The following NRG1 variants were observed in gnomAD, a reference collection of about 807,000 sequenced individuals.
The protein encoded by NRG1 is pro-neuregulin-1, membrane-bound isoform.
NRG1 carries 18 observed loss-of-function variants against 63.8 expected under a neutral mutation model. The observed-to-expected ratio is 0.28, with a 90% CI of 0.19 to 0.42. The LOEUF (loss-of-function observed/expected upper bound fraction) is 0.42. Among genes scored for constraint, NRG1 ranks in the 10% least tolerant of loss-of-function variants. The pLI is 1.00. For synonymous variants in NRG1, 302 were observed against 301.3 expected, an observed-to-expected ratio of 1.00 and a Z score of -0.02; for missense variants, 762 against 814.7, an observed-to-expected ratio of 0.94 and a Z score of 0.79.
chr8:32,048,609 C>T (rs536480326), intron 1 of NRG1, among the ~76,000 whole-genome samples: 28 of 151,602 alleles, frequency 1.8e-4, no homozygotes, highest in African/African-American at 5.8e-4. Flanking sequence ...GTCCCCTTTC[C>T]TCCACATCCT....
At chr8:31,857,476 C>T (rs556663856) in intron 1 of NRG1, among the ~76,000 whole-genome samples, 70 of 152,336 alleles carry the variant, frequency 4.6e-4, no homozygotes, top group Admixed American at 1.1e-3. Flanking sequence ...TTGGCTCGCG[C>T]AGGGTATGCG....
chr8:32,104,387 T>G (rs1563791368), intron 1 of NRG1, among the ~76,000 whole-genome samples: 1 of 152,150 alleles, frequency 6.6e-6, no homozygotes, highest in Non-Finnish European at 1.5e-5. Flanking sequence ...TTGCTCTGGG[T>G]GGGTCAGTGA....
chr8:31,906,942 A>G (rs181713839), intron 1 of NRG1, among the ~76,000 whole-genome samples: 40 of 152,316 alleles, frequency 2.6e-4, no homozygotes, highest in Admixed American at 1.2e-3. Context: ...CAAAAAATGT[A>G]CAGGAAAAGA....
At chr8:31,766,082 C>T (rs1384433954) in intron 1 of NRG1, among the ~76,000 whole-genome samples, 1 of 151,942 alleles carries the variant, frequency 6.6e-6, no homozygotes. Flanking sequence ...TGAGAACATA[C>T]GAAGCCTACA....
chr8:32,179,195 A>AAG (rs1484023784), intron 1 of NRG1, among the ~76,000 whole-genome samples: 15 of 150,298 alleles, frequency 1.0e-4, no homozygotes, highest in African/African-American at 3.7e-4. Context: ...CATAAAAAAA[A>AAG]AAAAAAAAAA....
intron 1 of NRG1, among the ~76,000 whole-genome samples, chr8:32,112,575 C>T (rs1452902336): frequency 6.6e-6 from 1 of 152,194 alleles, no homozygotes; most frequent in African/African-American, 2.4e-5. Flanking sequence ...TGCTCTGCTT[C>T]TTCAGCAGGA....
At chr8:32,208,053 G>C (rs948725834) in intron 1 of NRG1, among the ~76,000 whole-genome samples, 1 of 152,106 alleles carries the variant, frequency 6.6e-6, no homozygotes, top group African/African-American at 2.4e-5. Flanking sequence ...GTTAATGCAC[G>C]AGAAAAGAAA....
chr8:32,534,595 A>G (rs1180988791), intron 1 of NRG1, among the ~76,000 whole-genome samples: 4 of 152,162 alleles, frequency 2.6e-5, no homozygotes, highest in African/African-American at 7.2e-5. Flanking sequence ...CTGGTGCCAC[A>G]GAACGGTGAT....
intron 5 of NRG1, among the ~76,000 whole-genome samples, chr8:32,654,959 C>T (rs1435788649): frequency 6.6e-6 from 1 of 152,094 alleles, no homozygotes; most frequent in Non-Finnish European, 1.5e-5. Flanking sequence ...CTACTTGTCC[C>T]TCTTCATGGC....
chr8:31,935,503 C>T (rs1009350033), intron 1 of NRG1, among the ~76,000 whole-genome samples: 1 of 152,164 alleles, frequency 6.6e-6, no homozygotes, highest in Non-Finnish European at 1.5e-5. Context: ...AGTGGTCCTC[C>T]CGCCTCAGCC....
chr8:32,307,848 A>T (rs576720406), intron 1 of NRG1, among the ~76,000 whole-genome samples: 24 of 139,226 alleles, frequency 1.7e-4, no homozygotes, highest in Non-Finnish European at 3.6e-4. Context: ...TCCATCTGAC[A>T]TGCCTCCCTA....
chr8:32,031,433 T>G (rs1818239155), intron 1 of NRG1, among the ~76,000 whole-genome samples: 1 of 152,218 alleles, frequency 6.6e-6, no homozygotes, highest in Admixed American at 6.5e-5. Context: ...ACGTGACTGG[T>G]GCCATCTGCC....
chr8:32,648,060 G>A (rs765006987), intron 5 of NRG1: 2 of 1,614,046 alleles, frequency 1.2e-6, no homozygotes, highest in Non-Finnish European at 1.7e-6. Flanking sequence ...CCTTGACCCT[G>A]GGGGGTTAGG....
At chr8:32,621,043 A>G (rs1347147550) in intron 5 of NRG1, among the ~76,000 whole-genome samples, 1 of 152,082 alleles carries the variant, frequency 6.6e-6, no homozygotes, top group African/African-American at 2.4e-5. Flanking sequence ...TTACAAACAC[A>G]TTATCGGTTT....
chr8:31,920,575 T>G (rs966765571), intron 1 of NRG1, among the ~76,000 whole-genome samples: 1 of 152,246 alleles, frequency 6.6e-6, no homozygotes, highest in African/African-American at 2.4e-5. Context: ...AGGATCCATC[T>G]GGCTCCTGGG....
intron 1 of NRG1, among the ~76,000 whole-genome samples, chr8:32,080,588 T>A (rs1035567328): frequency 1.3e-5 from 2 of 152,180 alleles, no homozygotes; most frequent in Admixed American, 6.5e-5. Flanking sequence ...CCTTCCACTC[T>A]CAGAGCTTCC....
At chr8:32,307,013 G>T (rs1240285789) in intron 1 of NRG1, among the ~76,000 whole-genome samples, 1 of 152,166 alleles carries the variant, frequency 6.6e-6, no homozygotes, top group Non-Finnish European at 1.5e-5. Context: ...AGATAAGGAG[G>T]TTGTCCAGAT....
At chr8:32,701,572 T>C (rs1814902157) in intron 5 of NRG1, among the ~76,000 whole-genome samples, 1 of 152,232 alleles carries the variant, frequency 6.6e-6, no homozygotes, top group African/African-American at 2.4e-5. Context: ...AAAGGTTTCA[T>C]ATCTTACAAA....
intron 5 of NRG1, among the ~76,000 whole-genome samples, chr8:32,692,297 A>T (rs1811955561): frequency 6.6e-6 from 1 of 152,202 alleles, no homozygotes; most frequent in South Asian, 2.1e-4. Flanking sequence ...CAGTTGCCTA[A>T]TGGATCATGA....
Sources: gnomAD v4.1 joint callset for allele counts (sites outside exome capture counted in the v4.1 genomes callset) on GRCh38, gnomAD v4.1.1 for gene constraint, MANE v1.5 for transcripts, NCBI Gene and HGNC (gene_info 2026-07-23, HGNC 2026-07-21) for gene names.